Variants in VEPH1 observed in about 807,000 individuals in gnomAD.
The protein encoded by VEPH1 is ventricular zone-expressed PH domain-containing protein homolog 1.
VEPH1 carries 80 observed loss-of-function variants against 85.2 expected under a neutral mutation model. The ratio of observed to expected loss-of-function variants is 0.94; its 90% confidence interval spans 0.78 to 1.13. The LOEUF is 1.13. Ranked by LOEUF, VEPH1 falls within the 50% of genes most tolerant of loss-of-function variation. The pLI is 0.00. For missense variants in VEPH1, 955 were observed against 980.5 expected (o/e 0.97, Z 0.35); for synonymous variants, 297 against 348.0 (o/e 0.85, Z 1.63).
intron 6 of VEPH1, among the ~76,000 whole-genome samples, chr3:157,402,593 T>C (rs973455567): frequency 6.6e-6 from 1 of 152,200 alleles, no homozygotes; most frequent in Non-Finnish European, 1.5e-5. Context: ...TCTACTTTTC[T>C]GAGTGAATTG....
intron 2 of VEPH1, among the ~76,000 whole-genome samples, chr3:157,486,039 C>G (rs935857376): frequency 6.6e-6 from 1 of 152,136 alleles, no homozygotes; most frequent in African/African-American, 2.4e-5. Context: ...CTGTTAGTAA[C>G]TGATGGTCCA....
In VEPH1 at chr3:157,493,272, G is replaced by T. The variant is rs377725120; in HGVS notation, c.138+1940C>A. 8.8e-5 allele frequency: 40 copies of T among 456,258 alleles called. No homozygotes were observed. The East Asian group carries it at 9.1e-4, about 10-fold the overall frequency. 28.3% of individuals were successfully genotyped at this position (456,258 alleles called of 1,614,324 possible). On this transcript the variant is annotated intron_variant, in intron 2 of 13. Transcript: ENST00000362010. ...GGAAGTTGGAAGGGGCAATTTAGAC[G>T]ATCCCTTCCTGTTCTACGTTTCTGA...
At chr3:157,269,645 T>TG (rs1342479658) in intron 12 of VEPH1, among the ~76,000 whole-genome samples, 2 of 146,724 alleles carry the variant, frequency 1.4e-5, no homozygotes, top group Admixed American at 6.7e-5. Flanking sequence ...TTTTGTTGTT[T>TG]TTTTTTTTTT....
chr3:157,382,385 A>G (rs1027307777), intron 6 of VEPH1, among the ~76,000 whole-genome samples: 1 of 152,218 alleles, frequency 6.6e-6, no homozygotes, highest in Non-Finnish European at 1.5e-5. Context: ...TTGAGGCAAC[A>G]TGATCTAATC....
intron 12 of VEPH1, chr3:157,286,301 G>A: frequency 2.4e-6 from 1 of 418,188 alleles, no homozygotes; most frequent in Non-Finnish European, 4.4e-6. Context: ...ATACTTTTAG[G>A]GCAAAATGGC....
At chr3:157,286,943 G>A (rs1159524270) in intron 11 of VEPH1, among the ~76,000 whole-genome samples, 1 of 152,148 alleles carries the variant, frequency 6.6e-6, no homozygotes, top group Non-Finnish European at 1.5e-5. Context: ...GCTTGAAATG[G>A]CCCAGAATTT....
intron 12 of VEPH1, among the ~76,000 whole-genome samples, chr3:157,277,071 C>T (rs12629589): frequency 0.22 from 33,249 of 151,750 alleles, 4,440 homozygotes; most frequent in Admixed American, 0.41. Context: ...TTGTATTTTT[C>T]GTAGATATGG....
chr3:157,406,872 G>A (rs1316035139), intron 6 of VEPH1, among the ~76,000 whole-genome samples: 1 of 151,976 alleles, frequency 6.6e-6, no homozygotes, highest in East Asian at 1.9e-4. Flanking sequence ...ACTGGTATGT[G>A]CTTTCCAATA....
At position 157,416,929 on chromosome 3, in the gene VEPH1, G is replaced by A. The variant is rs533112180; in HGVS notation, c.697-2839C>T. ...GGACGGAAGGAGAAAGAGAAAGAAA[G>A]AAGAGAGAAAAGGAAAGAAAGAAGC... On this transcript the variant is annotated intron_variant, in intron 5 of 13. Transcript: ENST00000362010. 2.6e-5 allele frequency among the ~76,000 whole-genome samples: 4 copies of A among 152,032 alleles called. No individual in the cohort carries two copies. The South Asian group carries it at 8.4e-4, about 32-fold the overall frequency.
In VEPH1 at chr3:157,489,620, C is replaced by T. The variant is rs1739026626; in HGVS notation, c.138+5592G>A. ...CCCTCTGCGTTAATTTTCTACATAG[C>T]ACTTACTTATAATCTTCTAATACAC... On this transcript the variant is annotated intron_variant, in intron 2 of 13. Transcript: ENST00000362010. 1.3e-5 allele frequency among the ~76,000 whole-genome samples: 2 copies of T among 152,104 alleles called. 1 individual carries two copies. The highest frequency in any genetic ancestry group is 4.1e-4 in the South Asian group (2 of 4,826).
chr3:157,272,368 C>CTTTCTCTT (rs1479211870), intron 12 of VEPH1, among the ~76,000 whole-genome samples: 2 of 119,916 alleles, frequency 1.7e-5, no homozygotes, highest in East Asian at 2.6e-4. Flanking sequence ...TTCTTTCTTT[C>CTTTCTCTT]TCTTTCTTTT....
At chr3:157,318,126 GAA>G (rs1000524206) in intron 9 of VEPH1, among the ~76,000 whole-genome samples, 1 of 152,126 alleles carries the variant, frequency 6.6e-6, no homozygotes, top group Non-Finnish European at 1.5e-5. Flanking sequence ...CAGAGATCCA[GAA>G]AAAATGGCTC....
intron 6 of VEPH1, among the ~76,000 whole-genome samples, chr3:157,407,623 C>A (rs768051654): frequency 5.9e-5 from 9 of 152,072 alleles, no homozygotes. Flanking sequence ...TGACTGGTCC[C>A]ACATATGCCT....
intron 2 of VEPH1, among the ~76,000 whole-genome samples, chr3:157,476,334 G>A (rs1737472873): frequency 6.6e-6 from 1 of 152,240 alleles, no homozygotes; most frequent in South Asian, 2.1e-4. Flanking sequence ...CCAGGATTGG[G>A]TTTGCTTTTT....
At chr3:157,418,791 T>G (rs188682625) in intron 5 of VEPH1, among the ~76,000 whole-genome samples, 1 of 152,312 alleles carries the variant, frequency 6.6e-6, no homozygotes, top group African/African-American at 2.4e-5. Context: ...GCTACTCTCA[T>G]TAAACTACCA....
intron 12 of VEPH1, among the ~76,000 whole-genome samples, chr3:157,278,040 T>G (rs1715619766): frequency 6.6e-6 from 1 of 152,212 alleles, no homozygotes; most frequent in South Asian, 2.1e-4. Context: ...GCATCTGTTG[T>G]GTGCTAGGGG....
chr3:157,416,093 C>T (rs1018490172), intron 5 of VEPH1, among the ~76,000 whole-genome samples: 1 of 152,052 alleles, frequency 6.6e-6, no homozygotes, highest in South Asian at 2.1e-4. Flanking sequence ...ATACCTAATG[C>T]CTTATACAGA....
intron 6 of VEPH1, among the ~76,000 whole-genome samples, chr3:157,390,093 G>A (rs543271491): frequency 6.6e-6 from 1 of 152,212 alleles, no homozygotes; most frequent in South Asian, 2.1e-4. Flanking sequence ...TTGAAGACTG[G>A]GGACAGTCAT....
At position 157,307,004 on chromosome 3, in the gene VEPH1, T is replaced by A. The variant is rs574153066; in HGVS notation, c.2010+6617A>T. ...ATAATGGCCTCCTGCTCCAGCCAAG[T>A]TGCTGCAAAAGACATTATTTTGTTC... On this transcript the variant is annotated intron_variant, in intron 11 of 13. Transcript: ENST00000362010. Among the ~76,000 whole-genome samples the A allele has an allele frequency of 2.6e-5, 4 of 152,166 alleles. No individual in the cohort carries two copies. The East Asian group carries it at 7.7e-4, about 29-fold the overall frequency.
Sources: gnomAD v4.1 joint callset for allele counts (sites outside exome capture counted in the v4.1 genomes callset) on GRCh38, gnomAD v4.1.1 for gene constraint, MANE v1.5 for transcripts, NCBI Gene and HGNC (gene_info 2026-07-23, HGNC 2026-07-21) for gene names.